The following UNK variants were observed in gnomAD, a reference collection of about 807,000 sequenced individuals.
The protein encoded by UNK is RING finger protein unkempt homolog.
Under a neutral mutation model 97.6 loss-of-function variants are expected in UNK, and 32 were observed. The observed-to-expected ratio is 0.33, with a 90% CI of 0.25 to 0.44. The LOEUF is 0.44. UNK is among the 20% of genes least tolerant of loss of function. The pLI is 1.00. For synonymous variants in UNK, 441 were observed against 461.2 expected, an observed-to-expected ratio of 0.96 and a Z score of 0.56; for missense variants, 771 against 1,098.4, an observed-to-expected ratio of 0.70 and a Z score of 4.21.
chr17:75,817,089 A>C lies in UNK; in HGVS notation c.1104+177A>C, dbSNP rs1361850482. Reference sequence around the variant, plus strand: ...AAAAGTCCAGGCCCGGGGGTGGGGTAGGGCAGTCCCCAGAGCCTGTGCTGA... The same window carrying C: ...AAAAGTCCAGGCCCGGGGGTGGGGTCGGGCAGTCCCCAGAGCCTGTGCTGA... On this transcript the variant is annotated intron_variant, in intron 8 of 15. Transcript: ENST00000589666. The surrounding 1 kb of genome is among the most constrained non-coding windows in gnomAD (Gnocchi z 5.8). Among the ~76,000 whole-genome samples the C allele has an allele frequency of 8.3e-6, 1 of 120,114 alleles. No individual in the cohort carries two copies. Among genetic ancestry groups the C allele is most frequent in the Non-Finnish European group, 2.0e-5 (1 of 50,100 alleles). 78.8% of individuals were successfully genotyped at this position (120,114 alleles called of 152,430 possible).
rs1325373891 is a variant in UNK, at chr17:75,816,546, T to C, written c.962-224T>C. ...CTTATTTATAAAATGGAGACCATAT[T>C]ACTGGTATCTTCTGGTCACCATGAA... On this transcript the variant is annotated intron_variant, in intron 7 of 15. Transcript: ENST00000589666. This position sits in a 1 kb window ranked among gnomAD's most constrained non-coding sequence, Gnocchi z 4.0. Among the ~76,000 whole-genome samples the C allele has an allele frequency of 2.0e-5, 3 of 152,232 alleles. No individual in the cohort carries two copies. Among genetic ancestry groups the C allele is most frequent in the East Asian group, 3.8e-4 (2 of 5,204 alleles).
Position 75,784,998 on chromosome 17 carries a change from C to CA in UNK, c.104+14_104+15insA. The CA allele has an allele frequency of 7.2e-7, 1 of 1,379,472 alleles. No homozygotes were observed. The highest frequency in any genetic ancestry group is 9.5e-7 in the Non-Finnish European group (1 of 1,057,392). The allele number at this position is 1,379,472 out of a possible 1,614,324, so 85.5% of individuals were successfully genotyped here. A position where few individuals can be genotyped will look rare whatever the true frequency, so the allele number is the denominator to read the frequency against. On this transcript the variant is annotated intron_variant, in intron 1 of 15. Coordinates refer to ENST00000589666, the MANE Select transcript of UNK (RefSeq NM_001080419.3). ...GCAGCACTACACGTACGTAGAGCCC[C>CA]CCCCCCCCCGCCGCGCGCGCACGCC... is the stretch of plus-strand genomic sequence containing the variant.
chr17:75,822,746 G>T, intron 14 of UNK, 88 bp downstream of exon 14: 2 of 1,380,722 alleles, frequency 1.4e-6, no homozygotes, highest in Non-Finnish European at 1.9e-6. Flanking sequence ...GTGGGGTGGG[G>T]GAAAGCGGGG....
At position 75,784,900 on chromosome 17, in the gene UNK, C is replaced by T. The variant is rs772807470; in HGVS notation, c.20C>T (p.Pro7Leu). ...AAGACCATGTCGAAGGGCCCCGGGCCCGGCGGCTCCGCAGCTTCCTCGGCG... is the reference window on the plus strand; with the variant it reads ...AAGACCATGTCGAAGGGCCCCGGGCTCGGCGGCTCCGCAGCTTCCTCGGCG... MSKGPG[P>L]GGSAASSAPP... is the part of the protein sequence containing the mutation. Residue 7 changes from proline (P) to leucine (L), a missense_variant, in exon 1 of 16, where the codon CCC (proline) becomes CTC (leucine). This residue lies in a region of UNK where 34 missense variants were observed against 24.7 expected (regional missense o/e 1.37). Transcript: ENST00000589666. 9 of 1,577,150 alleles carry T rather than the reference C, an allele frequency of 5.7e-6. No individual in the cohort carries two copies. Among genetic ancestry groups the T allele is most frequent in the Non-Finnish European group, 7.7e-6 (9 of 1,164,860 alleles).
chr17:75,818,216 G>C lies in UNK; in HGVS notation c.1371+48G>C. ...CCTCCCCTCTGCTGTGGACAGGAGT[G>C]GCCCAGAACCCCAGGAGGCTTCGGG... On this transcript the variant is annotated intron_variant, in intron 10 of 15. Transcript: ENST00000589666. This position sits in a 1 kb window ranked among gnomAD's most constrained non-coding sequence, Gnocchi z 5.1. 6.2e-7 allele frequency: 1 copy of C among 1,606,838 alleles called. No homozygotes were observed.
chr17:75,813,994 G>T, intron 6 of UNK, 116 bp downstream of exon 6: 1 of 893,066 alleles, frequency 1.1e-6, no homozygotes, highest in Non-Finnish European at 1.7e-6. Flanking sequence ...AGGGACTTGT[G>T]GCCACCAGCT....
intron 2 of UNK, among the ~76,000 whole-genome samples, chr17:75,810,199 C>A (rs753809051): frequency 5.3e-5 from 8 of 152,234 alleles, no homozygotes; most frequent in Admixed American, 2.0e-4. Flanking sequence ...TTCACTAAGC[C>A]TAAGGGCCCA....
intron 13 of UNK, among the ~76,000 whole-genome samples, chr17:75,820,743 CAG>C (rs922539243): frequency 1.3e-5 from 2 of 152,174 alleles, no homozygotes; most frequent in African/African-American, 2.4e-5. Context: ...TTGTGTGTGT[CAG>C]GGGATGTTCC....
In UNK at chr17:75,818,166, C is replaced by G. The variant is rs768874946; in HGVS notation, c.1369C>G (p.Gln457Glu). 1.2e-6 allele frequency: 2 copies of G among 1,613,578 alleles called. No homozygotes were observed. The highest frequency in any genetic ancestry group is 1.7e-6 in the Non-Finnish European group (2 of 1,179,786). Residue 457 changes from glutamine (Q) to glutamate (E), a missense_variant and splice_region_variant, in exon 10 of 16, where the codon CAG (glutamine) becomes GAG (glutamate). Coordinates refer to ENST00000589666, the MANE Select transcript of UNK (RefSeq NM_001080419.3). This position sits in a 1 kb window ranked among gnomAD's most constrained non-coding sequence, Gnocchi z 5.1. ...AGAGCAGCCTCTGCTTCAGCCCAAA[C>G]AGGTATAGAGCTCTCAGCCCCCTTC... ...SQEQPLLQPKQDMLGILPAGS... is the reference protein window; with the variant it reads ...SQEQPLLQPKEDMLGILPAGS...
chr17:75,821,642 A>G (rs2062069251), intron 13 of UNK: 1 of 456,602 alleles, frequency 2.2e-6, no homozygotes, highest in African/African-American at 2.0e-5. Flanking sequence ...GTTCTGGAAC[A>G]TCCTGGTTGG....
In UNK at chr17:75,824,286, A is replaced by C. The variant is rs1567812491; in HGVS notation, c.2302A>C (p.Lys768Gln). 1 of 1,602,342 alleles carries C rather than the reference A, an allele frequency of 6.2e-7. No homozygotes were observed. Among genetic ancestry groups the C allele is most frequent in the Non-Finnish European group, 8.5e-7 (1 of 1,174,722 alleles). The change falls in exon 16 of 16, where the codon AAA becomes CAA. Residue 768 changes from lysine to glutamine, a missense_variant. Transcript: ENST00000589666. The surrounding 1 kb of genome is among the most constrained non-coding windows in gnomAD (Gnocchi z 4.9). ...GGCCGTGTTCCACATGCAGTCGGTG[A>C]AATGCCTTAAGTGTCAGGAACAGAA... ...DKAVFHMQSV[K>Q]CLKCQEQKRA...
chr17:75,810,008 T>C lies in UNK; in HGVS notation c.314+39T>C, dbSNP rs779331461. The stretch of plus-strand genomic sequence containing the variant: ...CCTGTCCTCAGAGGAGCCCCGTGTC[T>C]CCTTCTGGGTCAGATGCCCTCAGGG... On this transcript the variant is annotated intron_variant, in intron 2 of 15. Coordinates refer to ENST00000589666, the MANE Select transcript of UNK (RefSeq NM_001080419.3). 4 of 1,607,642 alleles carry C rather than the reference T, an allele frequency of 2.5e-6. No individual in the cohort carries two copies. The Admixed American group carries it at 6.7e-5, about 27-fold the overall frequency.
chr17:75,797,146 T>G (rs999335916), intron 1 of UNK, among the ~76,000 whole-genome samples: 3 of 152,266 alleles, frequency 2.0e-5, no homozygotes, highest in Admixed American at 6.5e-5. Flanking sequence ...TGTGGTTAGA[T>G]TTCAATAAAG....
At chr17:75,821,762 C>T (rs973055818) in intron 13 of UNK, 10 of 455,868 alleles carry the variant, frequency 2.2e-5, no homozygotes, top group Non-Finnish European at 4.0e-5. Flanking sequence ...CCCTGGGGGC[C>T]AGAGCAGGGG....
intron 1 of UNK, chr17:75,794,254 C>A: frequency 1.2e-6 from 1 of 830,686 alleles, no homozygotes; most frequent in Non-Finnish European, 1.5e-6. Flanking sequence ...ATGGCCTGTC[C>A]GAAACTCTCT....
At position 75,809,756 on chromosome 17, in the gene UNK, G is replaced by C. The variant is rs1400036919; in HGVS notation, c.105-4G>C. ...GCCTGCCCCACGCGGGGCTCTCTCT[G>C]CAGGTACCTGAAAGAATTCCGCACA... is the stretch of plus-strand genomic sequence containing the variant. On this transcript the variant is annotated splice_polypyrimidine_tract_variant and splice_region_variant and intron_variant, in intron 1 of 15. Coordinates refer to ENST00000589666, the MANE Select transcript of UNK (RefSeq NM_001080419.3). 6.2e-7 allele frequency: 1 copy of C among 1,601,788 alleles called. No individual in the cohort carries two copies. The highest frequency in any genetic ancestry group is 1.3e-5 in the African/African-American group (1 of 74,488).
intron 1 of UNK, chr17:75,791,887 G>C: frequency 1.0e-6 from 1 of 985,370 alleles, no homozygotes; most frequent in Non-Finnish European, 1.2e-6. Context: ...GAGCAACTTA[G>C]AGAAATCCAT....
Position 75,813,893 on chromosome 17 carries a change from A to AG in UNK, c.876+18dup. On this transcript the variant is annotated intron_variant, in intron 6 of 15. Transcript: ENST00000589666. ...TCCACCCCGAGGTGGGCCCCACAGC[A>AG]GGGTGGGGGGGTGGCTTTGGGAAGT... 1 of 1,556,236 alleles carries AG rather than the reference A, an allele frequency of 6.4e-7. No homozygotes were observed. Among genetic ancestry groups the AG allele is most frequent in the East Asian group, 2.4e-5 (1 of 41,654 alleles).
At chr17:75,809,468 CAG>C (rs2061948682) in intron 1 of UNK, among the ~76,000 whole-genome samples, 1 of 152,214 alleles carries the variant, frequency 6.6e-6, no homozygotes, top group South Asian at 2.1e-4. Context: ...GGAAAGGGCT[CAG>C]AGAACCAAGC....
Sources: gnomAD v4.1 joint callset for allele counts (sites outside exome capture counted in the v4.1 genomes callset) on GRCh38, gnomAD v4.1.1 for gene constraint, gnomAD v4.1.1 regional missense constraint, Gnocchi (gnomAD v3.1) non-coding constraint, MANE v1.5 for transcripts, NCBI Gene and HGNC (gene_info 2026-07-23, HGNC 2026-07-21) for gene names.